ATR: variants seen among roughly 807,000 people sequenced by gnomAD.
ATR encodes ATR checkpoint kinase.
In ATR, 142 loss-of-function variants were observed where a neutral mutation model predicts 305.3. The ratio of observed to expected loss-of-function variants is 0.47; its 90% CI spans 0.41 to 0.53. The LOEUF is 0.53. Among genes scored for constraint, ATR ranks in the 20% least tolerant of loss-of-function variants. The probability of loss-of-function intolerance (pLI) is 0.00; values close to 1 mark genes in which losing one functional copy is unlikely to be tolerated. For synonymous variants in ATR, 1,050 were observed against 1,068.1 expected, an observed-to-expected ratio of 0.98 and a Z score of 0.33; for missense variants, 2,135 against 3,133.1, an observed-to-expected ratio of 0.68 and a Z score of 7.60.
intron 35 of ATR, among the ~76,000 whole-genome samples, chr3:142,486,959 C>CAAAAAAAAAAAAA (rs60024459): frequency 2.6e-4 from 18 of 69,622 alleles, no homozygotes; most frequent in Non-Finnish European, 3.3e-4. Context: ...ACTAAAAATA[C>CAAAAAAAAAAAAA]AAAAAAAAAA....
intron 21 of ATR, among the ~76,000 whole-genome samples, chr3:142,532,654 T>TA (rs2033703809): frequency 6.6e-6 from 1 of 152,228 alleles, no homozygotes; most frequent in African/African-American, 2.4e-5. Flanking sequence ...GCGATCATCT[T>TA]ATTAACTTTC....
intron 36 of ATR, among the ~76,000 whole-genome samples, chr3:142,480,354 C>G (rs143852639): frequency 1.3e-4 from 20 of 152,316 alleles, no homozygotes; most frequent in African/African-American, 4.8e-4. Context: ...GAGATCCACT[C>G]CAGACTCTGT....
In ATR at chr3:142,452,880, A is replaced by T. The variant is rs976670437; in HGVS notation, c.7761+248T>A. 212 of 1,337,842 alleles carry T rather than the reference A, an allele frequency of 1.6e-4. 2 individuals are homozygous for T. The highest frequency in any genetic ancestry group is 5.8e-4 in the Middle Eastern group (2 of 3,426). 82.9% of individuals were successfully genotyped at this position (1,337,842 alleles called of 1,614,324 possible). A position where few individuals can be genotyped will look rare whatever the true frequency, so the allele number is the denominator to read the frequency against. On this transcript the variant is annotated intron_variant, in intron 46 of 46. Coordinates refer to ENST00000350721, the MANE Select transcript of ATR (RefSeq NM_001184.4). ...TTTCCTACTGTATCTCATAACTGTG[A>T]ATTGTCTATGGTTAAACAAGTGTGC...
chr3:142,554,123 T>A, intron 10 of ATR, 108 bp from the exon 11 acceptor site: 2 of 944,826 alleles, frequency 2.1e-6, no homozygotes, highest in South Asian at 3.7e-5. Context: ...TAAGTTCTCT[T>A]ATAATGTCAA....
At chr3:142,509,770 A>G (rs2032452434) in intron 27 of ATR, among the ~76,000 whole-genome samples, 1 of 151,760 alleles carries the variant, frequency 6.6e-6, no homozygotes, top group African/African-American at 2.4e-5. Flanking sequence ...AAAATGTTAA[A>G]GAAATGTTAA....
rs376811787 is a variant in ATR, at chr3:142,499,702, C to G, written c.5305G>C (p.Glu1769Gln). The stretch of plus-strand genomic sequence containing the variant: ...GCTTCCACTCTGTACGTGTTTAATT[C>G]ATCTGTCCACTCGGACCTATTAAAA... ...VHANRSEWTD[E>Q]LNTYRVEAAW... Residue 1769 changes from glutamate (E) to glutamine (Q), a missense_variant, in exon 31 of 47, where the codon GAA (glutamate) becomes CAA (glutamine). By Grantham distance (29) the Glu-to-Gln change is conservative (BLOSUM62 2). This residue lies in a region of ATR where 117 missense variants were observed against 198.3 expected (regional missense o/e 0.59). Transcript: ENST00000350721. 2 of 1,613,980 alleles carry G rather than the reference C, an allele frequency of 1.2e-6. No homozygotes were observed. The highest frequency in any genetic ancestry group is 2.7e-5 in the African/African-American group (2 of 74,930).
intron 38 of ATR, 59 bp from the exon 39 acceptor site, chr3:142,468,127 T>C: frequency 6.3e-7 from 1 of 1,584,126 alleles, no homozygotes; most frequent in Non-Finnish European, 8.6e-7. Flanking sequence ...TTTTAAAAGA[T>C]AAATTTTTTG....
At chr3:142,538,699 G>T in intron 18 of ATR, 74 bp from the exon 19 acceptor site, 1 of 1,555,674 alleles carries the variant, frequency 6.4e-7, no homozygotes, top group Non-Finnish European at 8.8e-7. Flanking sequence ...TCAGTAATTA[G>T]TTGAAGACAC....
At chr3:142,499,120 A>G (rs2031809045) in intron 31 of ATR, 4 of 373,680 alleles carry the variant, frequency 1.1e-5, no homozygotes, top group South Asian at 2.3e-5. Flanking sequence ...GCTTCAAGCA[A>G]TCCTCCCACC....
chr3:142,449,607 AAAG>A lies in ATR; in HGVS notation c.7762-8_7762-6del. 1 of 1,613,964 alleles carries A rather than the reference AAAG, an allele frequency of 6.2e-7. No homozygotes were observed. Among genetic ancestry groups the A allele is most frequent in the Non-Finnish European group, 8.5e-7 (1 of 1,179,868 alleles). On this transcript the variant is annotated splice_polypyrimidine_tract_variant and splice_region_variant and intron_variant, in intron 46 of 46. Coordinates refer to ENST00000350721, the MANE Select transcript of ATR (RefSeq NM_001184.4). The stretch of plus-strand genomic sequence containing the variant: ...GTCAAGAACATGGGTCTTGGCCTAA[AAAG>A]AAGAAACATAAAACCAAAAACAGAT...
At chr3:142,499,494 CTG>C (rs2031835851) in intron 31 of ATR, 131 bp downstream of exon 31, 1 of 762,808 alleles carries the variant, frequency 1.3e-6, no homozygotes, top group African/African-American at 1.8e-5. Context: ...CGGGGTTTCA[CTG>C]TGTTAGCCAG....
Position 142,511,433 on chromosome 3 carries a change from A to T in ATR, c.4852+827T>A, listed in dbSNP as rs2032557635. ...CACTTTGGGAGGCTGAGGTGGGTGG[A>T]TCTCTTGAGGCCAGGAGTTGGAGAC... On this transcript the variant is annotated intron_variant, in intron 27 of 46. Transcript: ENST00000350721. Among the ~76,000 whole-genome samples the T allele has an allele frequency of 2.0e-5, 3 of 152,042 alleles. No individual in the cohort carries two copies. The South Asian group carries it at 6.2e-4, about 32-fold the overall frequency.
rs201313146 is a variant in ATR at position 142,528,877 on chromosome 3, A to ATT, written c.3946-4679_3946-4678insAA. On this transcript the variant is annotated intron_variant, in intron 21 of 46. Coordinates refer to ENST00000350721, the MANE Select transcript of ATR (RefSeq NM_001184.4). ...ATCATATATATATATATATATATAT[A>ATT]TATTTTTTTTTTTTTTTTTTTTTTG... Among the ~76,000 whole-genome samples, 216 of 47,644 alleles carry ATT rather than the reference A, an allele frequency of 4.5e-3. 2 individuals carry two copies. Among genetic ancestry groups the ATT allele is most frequent in the African/African-American group, 7.0e-3 (50 of 7,128 alleles). The allele number at this position is 47,644 out of a possible 152,430, so 31.3% of individuals were successfully genotyped here. A position where few individuals can be genotyped will look rare whatever the true frequency, so the allele number is the denominator to read the frequency against.
chr3:142,490,341 C>G (rs1461565782), intron 35 of ATR, among the ~76,000 whole-genome samples: 1 of 152,216 alleles, frequency 6.6e-6, no homozygotes, highest in African/African-American at 2.4e-5. Context: ...CAGGCCTGAG[C>G]CACTGTGCCT....
chr3:142,470,143 G>C lies in ATR; in HGVS notation c.6262C>G (p.Pro2088Ala). Residue 2088 changes from proline to alanine, a missense_variant, in exon 37 of 47, where the codon CCA becomes GCA. By Grantham distance (27) the Pro-to-Ala change is conservative (BLOSUM62 -1). This residue lies in a region of ATR where 462 missense variants were observed against 887.6 expected (regional missense o/e 0.52). Transcript: ENST00000350721. ...YGNQFIYQSM[P>A]RMLTLWLDYG... ...TCAAGCCATAGAGTTAACATTCGTG[G>C]CATTGACTGATATATGAACTGATTT... 2 of 1,610,582 alleles carry C rather than the reference G, an allele frequency of 1.2e-6. No individual in the cohort carries two copies. Among genetic ancestry groups the C allele is most frequent in the South Asian group, 1.1e-5 (1 of 90,948 alleles).
intron 27 of ATR, 103 bp downstream of exon 27, chr3:142,512,157 T>A (rs2108370100): frequency 4.9e-6 from 5 of 1,021,500 alleles, no homozygotes; most frequent in Non-Finnish European, 7.3e-6. Context: ...TGAAGCAAGG[T>A]ATTTTTTAAG....
chr3:142,476,644 G>A (rs2071461248), intron 36 of ATR, among the ~76,000 whole-genome samples: 1 of 151,832 alleles, frequency 6.6e-6, no homozygotes, highest in Non-Finnish European at 1.5e-5. Flanking sequence ...GTCATTGGTA[G>A]CTTGATGGGG....
intron 2 of ATR, among the ~76,000 whole-genome samples, chr3:142,567,318 GA>G (rs1413638046): frequency 6.6e-6 from 1 of 152,190 alleles, no homozygotes; most frequent in Non-Finnish European, 1.5e-5. Flanking sequence ...GTTGGTCAGA[GA>G]GGGGAAGGGC....
chr3:142,570,050 T>C (rs922821407), intron 1 of ATR, among the ~76,000 whole-genome samples: 1 of 152,232 alleles, frequency 6.6e-6, no homozygotes, highest in Non-Finnish European at 1.5e-5. Context: ...TCTTCTCATG[T>C]GCTTATTTGT....
Sources: allele counts gnomAD v4.1 joint callset (sites outside exome capture counted in the v4.1 genomes callset), GRCh38; gene constraint gnomAD v4.1.1; regional missense constraint gnomAD v4.1.1; transcripts MANE v1.5; gene names NCBI Gene and HGNC (gene_info 2026-07-23, HGNC 2026-07-21).